Variants in ADAMTS9 observed in about 807,000 individuals in gnomAD.
ADAMTS9 encodes the protein ADAM metallopeptidase with thrombospondin type 1 motif 9, also known as A disintegrin and metalloproteinase with thrombospondin motifs 9.
In ADAMTS9, 107 loss-of-function variants were observed where a neutral mutation model predicts 257.1. That is an observed-to-expected ratio of 0.42 (90% CI 0.36 to 0.49). The LOEUF (loss-of-function observed/expected upper bound fraction) is 0.49. Among genes scored for constraint, ADAMTS9 ranks in the 20% least tolerant of loss-of-function variants. The pLI, the probability that ADAMTS9 is intolerant of heterozygous loss-of-function variation, is 0.03. For synonymous variants in ADAMTS9, 982 were observed against 880.9 expected (o/e 1.11, Z -2.03); for missense variants, 2,353 against 2,469.1 (o/e 0.95, Z 1.00).
intron 11 of ADAMTS9, among the ~76,000 whole-genome samples, chr3:64,647,086 G>A (rs1700813973): frequency 6.6e-6 from 1 of 152,056 alleles, no homozygotes; most frequent in South Asian, 2.1e-4. Context: ...GTGGACAATG[G>A]AAAGAGGAGG....
chr3:64,627,793 G>C (rs773823095), intron 16 of ADAMTS9, among the ~76,000 whole-genome samples: 15 of 152,088 alleles, frequency 9.9e-5, no homozygotes, highest in Non-Finnish European at 1.6e-4. Flanking sequence ...ACACAGAAAA[G>C]TATGGCTTGG....
chr3:64,633,045 A>C (rs933786718), intron 14 of ADAMTS9, among the ~76,000 whole-genome samples: 1 of 152,334 alleles, frequency 6.6e-6, no homozygotes, highest in Middle Eastern at 3.4e-3. Context: ...TCGTGGTTAA[A>C]AATGCAAAGA....
At chr3:64,671,708 T>A (rs1701492809) in intron 3 of ADAMTS9, among the ~76,000 whole-genome samples, 1 of 152,214 alleles carries the variant, frequency 6.6e-6, no homozygotes, top group South Asian at 2.1e-4. Flanking sequence ...AGCCCACTAC[T>A]CAGTCACATG....
intron 32 of ADAMTS9, among the ~76,000 whole-genome samples, chr3:64,544,709 G>A (rs2083173696): frequency 6.6e-6 from 1 of 152,116 alleles, no homozygotes. Context: ...CATGGGCAAG[G>A]ACTTCATGAC....
intron 28 of ADAMTS9, among the ~76,000 whole-genome samples, chr3:64,590,872 G>T (rs1443245481): frequency 6.6e-6 from 1 of 152,102 alleles, no homozygotes; most frequent in African/African-American, 2.4e-5. Context: ...TTTCCAAGGT[G>T]ATCAGCAAGC....
chr3:64,577,862 G>A (rs2083892536), intron 28 of ADAMTS9, among the ~76,000 whole-genome samples: 1 of 152,172 alleles, frequency 6.6e-6, no homozygotes, highest in Non-Finnish European at 1.5e-5. Flanking sequence ...GTGTCAACAA[G>A]TCATTTAAAA....
rs1384596063 is a variant in ADAMTS9, at chr3:64,686,637, G to A, written c.447C>T (p.His149=). ...FYSEEEAELK[H]CFYKGYVNTN... is the part of the protein sequence containing the mutation. ...TATTGACATAGCCTTTGTAGAAACA[G>A]TGCTTGAGTTCCGCTTCCTCTTCGG... Residue 149 remains histidine (H), a synonymous_variant, in exon 2 of 40, where the codon CAC becomes CAT. Transcript: ENST00000498707. The surrounding 1 kb of genome is among the most constrained non-coding windows in gnomAD (Gnocchi z 4.6). The A allele has an allele frequency of 1.2e-5, 19 of 1,614,136 alleles. No individual in the cohort carries two copies. The highest frequency in any genetic ancestry group is 1.4e-5 in the Non-Finnish European group (17 of 1,180,016).
intron 16 of ADAMTS9, among the ~76,000 whole-genome samples, chr3:64,624,204 G>C (rs1037672062): frequency 1.3e-5 from 2 of 151,162 alleles, no homozygotes; most frequent in African/African-American, 4.9e-5. Flanking sequence ...TTGCTTAAAG[G>C]GTAGATGATA....
intron 3 of ADAMTS9, among the ~76,000 whole-genome samples, chr3:64,675,935 TTATGTTTTCCAGCCTTTA>T (rs1398591462): frequency 6.6e-6 from 1 of 152,210 alleles, no homozygotes; most frequent in Non-Finnish European, 1.5e-5. Flanking sequence ...AATTATCATC[TTATGTTTTCCAGCCTTTA>T]TAACTGCAGC....
chr3:64,538,907 A>G (rs1413017251), intron 37 of ADAMTS9, among the ~76,000 whole-genome samples: 1 of 152,126 alleles, frequency 6.6e-6, no homozygotes, highest in Non-Finnish European at 1.5e-5. Context: ...ATTTACCACC[A>G]TAATTTGTTT....
chr3:64,655,763 T>C (rs1375250339), intron 5 of ADAMTS9, 29 bp downstream of exon 5: 3 of 1,566,910 alleles, frequency 1.9e-6, no homozygotes, highest in Non-Finnish European at 2.6e-6. Flanking sequence ...CGGATACAGA[T>C]AGAAGAAAAA....
chr3:64,604,508 G>T (rs973733291), intron 23 of ADAMTS9, among the ~76,000 whole-genome samples, 177 bp from the exon 24 acceptor site: 1 of 152,192 alleles, frequency 6.6e-6, no homozygotes, highest in Non-Finnish European at 1.5e-5. Context: ...TGCAAAATGA[G>T]ATATAATCTT....
chr3:64,569,019 C>A, intron 28 of ADAMTS9: 1 of 157,216 alleles, frequency 6.4e-6, no homozygotes, highest in Non-Finnish European at 1.4e-5. Flanking sequence ...TTTTCCCAGT[C>A]CACTGGGAAG....
Position 64,686,482 on chromosome 3 carries a change from G to A in ADAMTS9, c.516+86C>T, listed in dbSNP as rs946427821. 19 of 1,446,622 alleles carry A rather than the reference G, an allele frequency of 1.3e-5. No individual in the cohort carries two copies. The highest frequency in any genetic ancestry group is 1.7e-5 in the Non-Finnish European group (18 of 1,089,066). 89.6% of individuals were successfully genotyped at this position (1,446,622 alleles called of 1,614,324 possible). A position where few individuals can be genotyped will look rare whatever the true frequency, so the allele number is the denominator to read the frequency against. On this transcript the variant is annotated intron_variant, in intron 2 of 39. Transcript: ENST00000498707. The surrounding 1 kb of genome is among the most constrained non-coding windows in gnomAD (Gnocchi z 4.6). ...GAGGAGCGGAGCCTCGCCACAGTGA[G>A]GGTCTCTAGGCTTAGAGGACAATTA...
At position 64,650,981 on chromosome 3, in the gene ADAMTS9, C is replaced by T. The variant is rs372925006; in HGVS notation, c.1463+36G>A. The T allele has an allele frequency of 1.5e-5, 23 of 1,576,460 alleles. No homozygotes were observed. In the Middle Eastern group the frequency reaches 5.0e-4, roughly 34 times the overall value. Reference sequence around the variant, plus strand: ...TAGTTCACTACATGTAGGCCAGGCACTAGAAGTTTGTGCTAAAAGAATGTT... The same window carrying T: ...TAGTTCACTACATGTAGGCCAGGCATTAGAAGTTTGTGCTAAAAGAATGTT... On this transcript the variant is annotated intron_variant, in intron 9 of 39. Transcript: ENST00000498707.
chr3:64,527,121 C>G (rs914686635), intron 38 of ADAMTS9, among the ~76,000 whole-genome samples: 1 of 152,148 alleles, frequency 6.6e-6, no homozygotes, highest in Admixed American at 6.5e-5. Context: ...AATTGTCAAG[C>G]AGACAGTGAC....
chr3:64,574,178 G>A (rs1227396460), intron 28 of ADAMTS9, among the ~76,000 whole-genome samples: 4 of 152,110 alleles, frequency 2.6e-5, no homozygotes, highest in African/African-American at 7.2e-5. Flanking sequence ...ATTCAAAAAG[G>A]CCACCCCAAG....
Position 64,657,929 on chromosome 3 carries a change from G to A in ADAMTS9, c.969+573C>T, listed in dbSNP as rs1011312564. Among the ~76,000 whole-genome samples the A allele has an allele frequency of 6.6e-5, 10 of 152,214 alleles. No homozygotes were observed. In the East Asian group the frequency reaches 1.9e-3, roughly 29 times the overall value. On this transcript the variant is annotated intron_variant, in intron 4 of 39. Coordinates refer to ENST00000498707, the MANE Select transcript of ADAMTS9 (RefSeq NM_182920.2). The stretch of plus-strand genomic sequence containing the variant: ...AATTCAAAATGGGAGTAGAAAAATA[G>A]AATGAAAGCCTCCTAGGCCTCACTC...
chr3:64,669,365 C>T (rs185786961), intron 3 of ADAMTS9, among the ~76,000 whole-genome samples: 1 of 152,098 alleles, frequency 6.6e-6, no homozygotes, highest in Non-Finnish European at 1.5e-5. Flanking sequence ...TTTCCAGGCA[C>T]CATCTGCAGC....
Sources: allele counts gnomAD v4.1 joint callset (sites outside exome capture counted in the v4.1 genomes callset), GRCh38; gene constraint gnomAD v4.1.1; non-coding constraint Gnocchi (gnomAD v3.1); transcripts MANE v1.5; gene names NCBI Gene and HGNC (gene_info 2026-07-23, HGNC 2026-07-21).